Variants in FRMD6 observed in about 807,000 individuals in gnomAD.
FRMD6 encodes the protein FERM domain containing 6, also known as FERM domain-containing protein 6.
Under a neutral mutation model 73.2 loss-of-function variants are expected in FRMD6, and 37 were observed. The ratio of observed to expected loss-of-function variants is 0.51; its 90% confidence interval spans 0.39 to 0.66. FRMD6 has a LOEUF of 0.66. Among genes scored for constraint, FRMD6 ranks in the 30% least tolerant of loss-of-function variants. FRMD6 has a pLI of 0.00. For missense variants in FRMD6, 714 were observed against 780.5 expected (o/e 0.91, Z 1.02); for synonymous variants, 273 against 282.2 (o/e 0.97, Z 0.33).
chr14:51,630,299 A>G (rs1208574494), intron 2 of FRMD6, among the ~76,000 whole-genome samples: 1 of 152,102 alleles, frequency 6.6e-6, no homozygotes, highest in Non-Finnish European at 1.5e-5. Flanking sequence ...TAGTTCTATA[A>G]TCGTCATTTT....
At chr14:51,646,583 G>A (rs1404406356) in intron 2 of FRMD6, among the ~76,000 whole-genome samples, 2 of 151,678 alleles carry the variant, frequency 1.3e-5, no homozygotes, top group South Asian at 4.2e-4. Flanking sequence ...TTTTCAGTGA[G>A]TGATCAAAGA....
intron 2 of FRMD6, among the ~76,000 whole-genome samples, chr14:51,573,720 G>T (rs1054125832): frequency 2.0e-5 from 3 of 152,176 alleles, no homozygotes; most frequent in Non-Finnish European, 1.5e-5. Flanking sequence ...CTATGTCCAA[G>T]TTATTAAATT....
intron 1 of FRMD6, among the ~76,000 whole-genome samples, chr14:51,526,809 A>G (rs529681229): frequency 1.1e-4 from 17 of 152,312 alleles, no homozygotes; most frequent in African/African-American, 3.8e-4. Context: ...GTTGAATTGT[A>G]AGGGCTTTGA....
At chr14:51,495,163 C>G (rs775257354) in intron 1 of FRMD6, among the ~76,000 whole-genome samples, 1 of 152,220 alleles carries the variant, frequency 6.6e-6, no homozygotes, top group Non-Finnish European at 1.5e-5. Flanking sequence ...AGACACAATT[C>G]AACTAAGGTA....
At chr14:51,678,449 A>G (rs1290745994) in intron 1 of FRMD6, among the ~76,000 whole-genome samples, 1 of 152,166 alleles carries the variant, frequency 6.6e-6, no homozygotes, top group South Asian at 2.1e-4. Context: ...TTTGGAGACA[A>G]GAAGAAATGT....
In FRMD6 at chr14:51,708,351, T is replaced by C. The variant is rs530430829; in HGVS notation, c.714+118T>C. On this transcript the variant is annotated intron_variant, in intron 7 of 13. Coordinates refer to ENST00000344768, the MANE Select transcript of FRMD6 (RefSeq NM_001267046.2). ...AAACTTATTTCATTTTTTACATGCT[T>C]TTAAAAGAGTTTCATTGAACTGCTT... is the stretch of plus-strand genomic sequence containing the variant. 5.3e-5 allele frequency: 53 copies of C among 993,808 alleles called. 1 individual carries two copies. Among genetic ancestry groups the C allele is most frequent in the Admixed American group, 5.1e-4 (19 of 37,292 alleles). The allele number at this position is 993,808 out of a possible 1,614,324, so 61.6% of individuals were successfully genotyped here.
intron 1 of FRMD6, among the ~76,000 whole-genome samples, chr14:51,505,882 G>A (rs1375181491): frequency 6.6e-6 from 1 of 152,052 alleles, no homozygotes; most frequent in Non-Finnish European, 1.5e-5. Context: ...AATTGCAAAT[G>A]ACCTTTTTAT....
intron 1 of FRMD6, among the ~76,000 whole-genome samples, chr14:51,516,050 A>G (rs997448240): frequency 2.0e-4 from 31 of 152,118 alleles, no homozygotes; most frequent in Non-Finnish European, 4.1e-4. Flanking sequence ...GCTGCTGTGC[A>G]TCTTAACTTC....
intron 2 of FRMD6, among the ~76,000 whole-genome samples, chr14:51,588,494 A>G (rs549787813): frequency 3.9e-5 from 6 of 152,332 alleles, no homozygotes; most frequent in African/African-American, 1.2e-4. Context: ...ATTATAAATT[A>G]TAAATACAAG....
intron 1 of FRMD6, among the ~76,000 whole-genome samples, chr14:51,494,277 A>C (rs560859877): frequency 6.6e-6 from 1 of 152,198 alleles, no homozygotes; most frequent in Non-Finnish European, 1.5e-5. Flanking sequence ...GAGATTTAAG[A>C]TATGATTCAT....
intron 2 of FRMD6, among the ~76,000 whole-genome samples, chr14:51,619,157 G>A (rs374854068): frequency 2.2e-4 from 33 of 151,848 alleles, no homozygotes; most frequent in African/African-American, 7.7e-4. Flanking sequence ...TCAGTAAAGC[G>A]CAAGTCTTCT....
At chr14:51,708,432 CG>C in intron 7 of FRMD6, 199 bp downstream of exon 7, 1 of 514,496 alleles carries the variant, frequency 1.9e-6, no homozygotes, top group Non-Finnish European at 3.4e-6. Flanking sequence ...GGCCTGGAAG[CG>C]GGGTGGAGTA....
At chr14:51,450,152 G>A in the FRMD6 span, among the ~76,000 whole-genome samples, 1 of 152,148 alleles carries the variant, frequency 6.6e-6, no homozygotes, top group Non-Finnish European at 1.5e-5. Context: ...GTGACTTACT[G>A]CCACAGAGGT....
chr14:51,549,764 T>G (rs1372913177), intron 1 of FRMD6, among the ~76,000 whole-genome samples: 4 of 151,900 alleles, frequency 2.6e-5, no homozygotes, highest in Non-Finnish European at 5.9e-5. Context: ...CCCGGCTAGT[T>G]TTTTGTATTT....
intron 1 of FRMD6, among the ~76,000 whole-genome samples, chr14:51,683,694 A>G (rs1236297201): frequency 6.6e-6 from 1 of 152,160 alleles, no homozygotes; most frequent in Admixed American, 6.5e-5. Flanking sequence ...GGCGGCCAAT[A>G]CTACAGATGT....
chr14:51,616,383 G>A (rs1417500208), intron 2 of FRMD6, among the ~76,000 whole-genome samples: 1 of 152,194 alleles, frequency 6.6e-6, no homozygotes, highest in Non-Finnish European at 1.5e-5. Flanking sequence ...ACTGTAATGG[G>A]TTGCCCATGT....
chr14:51,539,892 C>G (rs1374653833), intron 1 of FRMD6, among the ~76,000 whole-genome samples: 1 of 152,060 alleles, frequency 6.6e-6, no homozygotes, highest in Non-Finnish European at 1.5e-5. Context: ...CTTTCCTTAC[C>G]AAATTAGTTC....
the FRMD6 span, among the ~76,000 whole-genome samples, chr14:51,398,201 CT>C: frequency 6.6e-6 from 1 of 152,144 alleles, no homozygotes; most frequent in Admixed American, 6.6e-5. Context: ...TCATTTAATG[CT>C]TTGGTCTATT....
intron 1 of FRMD6, among the ~76,000 whole-genome samples, chr14:51,514,952 G>C (rs1238078072): frequency 6.6e-6 from 1 of 152,192 alleles, no homozygotes; most frequent in African/African-American, 2.4e-5. Context: ...TTTTGTGTGT[G>C]TTTTAAACTT....
Sources: allele counts gnomAD v4.1 joint callset (sites outside exome capture counted in the v4.1 genomes callset), GRCh38; gene constraint gnomAD v4.1.1; transcripts MANE v1.5; gene names NCBI Gene and HGNC (gene_info 2026-07-23, HGNC 2026-07-21).